FKBP15: variants seen among roughly 807,000 people sequenced by gnomAD.
The protein encoded by FKBP15 is FK506-binding protein 15.
Under a neutral mutation model 158.1 loss-of-function variants are expected in FKBP15, and 106 were observed. That is an observed-to-expected ratio of 0.67 (90% CI 0.57 to 0.79). The LOEUF (loss-of-function observed/expected upper bound fraction) is 0.79. Ranked by LOEUF, FKBP15 falls within the 30% of genes least tolerant of loss-of-function variation. The probability of loss-of-function intolerance (pLI) is 0.00; values close to 1 mark genes in which losing one functional copy is unlikely to be tolerated. For synonymous variants in FKBP15, 547 were observed against 548.6 expected (o/e 1.00, Z 0.04); for missense variants, 1,287 against 1,479.1 (o/e 0.87, Z 2.13).
chr9:113,170,407 C>A, intron 25 of FKBP15, 115 bp downstream of exon 25: 1 of 775,936 alleles, frequency 1.3e-6, no homozygotes. Context: ...GCTGGGATTA[C>A]AAGCATAAGC....
intron 19 of FKBP15, among the ~76,000 whole-genome samples, chr9:113,179,622 C>T (rs551154842): frequency 6.6e-5 from 10 of 150,876 alleles, no homozygotes; most frequent in African/African-American, 2.2e-4. Context: ...GATCGTGCCA[C>T]TGCACTCCTG....
At chr9:113,179,583 C>T (rs1830356877) in intron 19 of FKBP15, among the ~76,000 whole-genome samples, 1 of 151,720 alleles carries the variant, frequency 6.6e-6, no homozygotes, top group Non-Finnish European at 1.5e-5. Flanking sequence ...ATCACTTGAA[C>T]CTGGGAGGCA....
chr9:113,194,196 C>A, intron 9 of FKBP15, 27 bp from the exon 10 acceptor site: 1 of 1,546,968 alleles, frequency 6.5e-7, no homozygotes, highest in Non-Finnish European at 8.8e-7. Flanking sequence ...TATTCTCACT[C>A]ATAGGTGGGA....
rs964641963 is a variant in FKBP15, at chr9:113,165,667, T to C, written c.*411A>G. 1 of 174,504 alleles carries C rather than the reference T, an allele frequency of 5.7e-6. No homozygotes were observed. The highest frequency in any genetic ancestry group is 5.6e-5 in the Admixed American group (1 of 17,814). 10.8% of individuals were successfully genotyped at this position (174,504 alleles called of 1,614,324 possible). On this transcript the variant is annotated 3_prime_UTR_variant, in exon 28 of 28. Transcript: ENST00000238256. ...GGGATTTAGATGGTGTAATCTCCCT[T>C]AGTTCTACCAGGGAGACCTCAGCCC...
chr9:113,169,216 G>C lies in FKBP15; in HGVS notation c.3485+8C>G, dbSNP rs1003014115. 1.1e-5 allele frequency: 18 copies of C among 1,609,270 alleles called. No homozygotes were observed. Among genetic ancestry groups the C allele is most frequent in the Non-Finnish European group, 1.5e-5 (18 of 1,177,430 alleles). On this transcript the variant is annotated splice_region_variant and intron_variant, in intron 26 of 27. Coordinates refer to ENST00000238256, the MANE Select transcript of FKBP15 (RefSeq NM_015258.2). ...CCTGTCCCTGAAGCAGTGCTCAGAG[G>C]AACATACCTGGAACGCTGGGAATGA...
At chr9:113,175,904 A>G (rs74394337) in intron 21 of FKBP15, among the ~76,000 whole-genome samples, 1 of 152,328 alleles carries the variant, frequency 6.6e-6, no homozygotes, top group African/African-American at 2.4e-5. Flanking sequence ...GCTCACTCAC[A>G]TACTGCTGAA....
intron 3 of FKBP15, chr9:113,206,939 C>T: frequency 2.3e-6 from 1 of 429,130 alleles, no homozygotes; most frequent in Non-Finnish European, 4.2e-6. Flanking sequence ...ATATAAATAT[C>T]TATCATTCAT....
intron 12 of FKBP15, among the ~76,000 whole-genome samples, chr9:113,189,515 AT>A (rs1484183694): frequency 6.6e-6 from 1 of 152,094 alleles, no homozygotes; most frequent in Non-Finnish European, 1.5e-5. Context: ...TTTAATAAAA[AT>A]ATTCTTATTT....
Position 113,162,716 on chromosome 9 carries a change from AC to A in FKBP15, c.*3361del. 1.3e-6 allele frequency: 2 copies of A among 1,587,956 alleles called. No homozygotes were observed. Among genetic ancestry groups the A allele is most frequent in the Non-Finnish European group, 1.7e-6 (2 of 1,165,168 alleles). ...CCAGCTTCCTCATTACCAGCTCATTACCAGGATTAACTTGCTTCTCCTTTTT... is the reference window on the plus strand; with the variant it reads ...CCAGCTTCCTCATTACCAGCTCATTACAGGATTAACTTGCTTCTCCTTTTT... On this transcript the variant is annotated 3_prime_UTR_variant, in exon 28 of 28. Coordinates refer to ENST00000238256, the MANE Select transcript of FKBP15 (RefSeq NM_015258.2).
intron 1 of FKBP15, among the ~76,000 whole-genome samples, chr9:113,218,194 C>T (rs936404534): frequency 1.3e-5 from 2 of 151,828 alleles, no homozygotes; most frequent in Non-Finnish European, 2.9e-5. Context: ...CATCAAACAT[C>T]CATTTCAATA....
intron 19 of FKBP15, among the ~76,000 whole-genome samples, chr9:113,181,654 A>G (rs538831588): frequency 6.6e-6 from 1 of 152,338 alleles, no homozygotes; most frequent in Non-Finnish European, 1.5e-5. Flanking sequence ...CTGATCTGGA[A>G]CAAGTTACAG....
chr9:113,183,711 C>T (rs749714127), intron 18 of FKBP15, 40 bp downstream of exon 18: 2 of 1,360,134 alleles, frequency 1.5e-6, no homozygotes, highest in Non-Finnish European at 2.1e-6. Flanking sequence ...CATAATAAAC[C>T]CTTTTGTCCA....
At chr9:113,194,728 C>A (rs945267530) in intron 9 of FKBP15, among the ~76,000 whole-genome samples, 7 of 152,086 alleles carry the variant, frequency 4.6e-5, no homozygotes, top group African/African-American at 7.2e-5. Context: ...ATTTCCATGT[C>A]ATTAAATATT....
intron 27 of FKBP15, among the ~76,000 whole-genome samples, chr9:113,167,424 C>T (rs553822339): frequency 6.6e-6 from 1 of 152,230 alleles, no homozygotes; most frequent in East Asian, 1.9e-4. Context: ...TGGTTTTTCC[C>T]CCTTTTTTCC....
Position 113,161,821 on chromosome 9 carries a change from C to A in FKBP15, c.*4257G>T. On this transcript the variant is annotated 3_prime_UTR_variant, in exon 28 of 28. Transcript: ENST00000238256. ...AGCGAGGCCCAGGGAAGGACCAGGA[C>A]TTGCCAAAGTGGCTACACATAGCCA... is the stretch of plus-strand genomic sequence containing the variant. 1 of 1,110,480 alleles carries A rather than the reference C, an allele frequency of 9.0e-7. No individual in the cohort carries two copies. Among genetic ancestry groups the A allele is most frequent in the Non-Finnish European group, 1.3e-6 (1 of 748,520 alleles). 68.8% of individuals were successfully genotyped at this position (1,110,480 alleles called of 1,614,324 possible). A position where few individuals can be genotyped will look rare whatever the true frequency, so the allele number is the denominator to read the frequency against.
chr9:113,202,419 C>T, intron 6 of FKBP15, 112 bp downstream of exon 6: 1 of 714,390 alleles, frequency 1.4e-6, no homozygotes, highest in Non-Finnish European at 2.2e-6. Flanking sequence ...GTTTTTTATG[C>T]TAGTCACTAA....
Position 113,161,771 on chromosome 9 carries a change from A to T in FKBP15, c.*4307T>A. The T allele has an allele frequency of 6.6e-7, 1 of 1,519,352 alleles. No individual in the cohort carries two copies. Among genetic ancestry groups the T allele is most frequent in the Non-Finnish European group, 9.1e-7 (1 of 1,100,292 alleles). The allele number at this position is 1,519,352 out of a possible 1,614,324, so 94.1% of individuals were successfully genotyped here. ...TGAGAGACAGGCTGGCCCAGACAGCATTAGCCCCACTTCACAGAGAGGACA... is the reference window on the plus strand; with the variant it reads ...TGAGAGACAGGCTGGCCCAGACAGCTTTAGCCCCACTTCACAGAGAGGACA... On this transcript the variant is annotated 3_prime_UTR_variant, in exon 28 of 28. Coordinates refer to ENST00000238256, the MANE Select transcript of FKBP15 (RefSeq NM_015258.2).
intron 13 of FKBP15, 86 bp from the exon 14 acceptor site, chr9:113,187,985 T>A: frequency 2.1e-6 from 2 of 968,230 alleles, no homozygotes; most frequent in South Asian, 1.4e-5. Context: ...CTATCATGCT[T>A]CAGACTCAAC....
chr9:113,213,383 T>G (rs1831053874), intron 1 of FKBP15, among the ~76,000 whole-genome samples: 1 of 149,310 alleles, frequency 6.7e-6, no homozygotes, highest in African/African-American at 2.5e-5. Flanking sequence ...CACTCCAGCC[T>G]AGGCAACGAG....
Sources: allele counts gnomAD v4.1 joint callset (sites outside exome capture counted in the v4.1 genomes callset), GRCh38; gene constraint gnomAD v4.1.1; transcripts MANE v1.5; gene names NCBI Gene and HGNC (gene_info 2026-07-23, HGNC 2026-07-21).